The following ADGRL2 variants were observed in gnomAD, a reference collection of about 807,000 sequenced individuals.
ADGRL2 encodes the protein adhesion G protein-coupled receptor L2.
ADGRL2 carries 44 observed loss-of-function variants against 157.4 expected under a neutral mutation model. The ratio of observed to expected loss-of-function variants is 0.28; its 90% confidence interval spans 0.22 to 0.36. ADGRL2 has a LOEUF of 0.36. ADGRL2 is among the 10% of genes least tolerant of loss of function. The pLI is 1.00. For synonymous variants in ADGRL2, 585 were observed against 624.7 expected (o/e 0.94, Z 0.95); for missense variants, 1,510 against 1,768.9 (o/e 0.85, Z 2.63).
At chr1:81,530,689 T>C (rs2079575593) in intron 2 of ADGRL2, among the ~76,000 whole-genome samples, 1 of 152,098 alleles carries the variant, frequency 6.6e-6, no homozygotes, top group Admixed American at 6.6e-5. Context: ...TTCAGCCTTA[T>C]TACTCTGGGA....
At chr1:81,899,661 A>G (rs773804822) in intron 2 of ADGRL2, among the ~76,000 whole-genome samples, 21 of 152,146 alleles carry the variant, frequency 1.4e-4, no homozygotes, top group African/African-American at 4.8e-4. Context: ...TCTCTCTTCA[A>G]TTGTCAGGGT....
At chr1:81,566,803 G>GA (rs1439786264) in intron 2 of ADGRL2, among the ~76,000 whole-genome samples, 1 of 152,032 alleles carries the variant, frequency 6.6e-6, no homozygotes, top group Non-Finnish European at 1.5e-5. Flanking sequence ...ATATAAATAG[G>GA]AAAGTATTAT....
At chr1:81,963,747 A>G (rs1656202466) in intron 11 of ADGRL2, among the ~76,000 whole-genome samples, 1 of 151,436 alleles carries the variant, frequency 6.6e-6, no homozygotes. Flanking sequence ...TTTGTCCAGG[A>G]TATTATAAAA....
intron 2 of ADGRL2, among the ~76,000 whole-genome samples, chr1:81,779,968 A>G (rs1221327934): frequency 6.6e-6 from 1 of 152,170 alleles, no homozygotes; most frequent in Non-Finnish European, 1.5e-5. Context: ...AATCCCTAAC[A>G]CTAAGATATG....
At chr1:81,525,822 C>T (rs761691103) in intron 2 of ADGRL2, among the ~76,000 whole-genome samples, 1 of 151,576 alleles carries the variant, frequency 6.6e-6, no homozygotes, top group Non-Finnish European at 1.5e-5. Context: ...CTTAAATGTT[C>T]TACCTTTTGC....
Position 81,968,728 on chromosome 1 carries a change from A to T in ADGRL2, c.2524-450A>T, listed in dbSNP as rs149959298. On this transcript the variant is annotated intron_variant, in intron 14 of 23. Coordinates refer to ENST00000686636, the MANE Select transcript of ADGRL2 (RefSeq NM_001366006.2). ...TGTAGCATTTCCGTCTCAGATCCGT[A>T]GTATGTGTCAACTCTCAATATGTAA... 2.4e-3 allele frequency among the ~76,000 whole-genome samples: 368 copies of T among 152,334 alleles called. 2 individuals are homozygous for T. The highest frequency in any genetic ancestry group is 8.0e-3 in the African/African-American group (332 of 41,582).
chr1:81,943,221 G>T lies in ADGRL2; in HGVS notation c.662G>T (p.Gly221Val). ...GGTACTGGATTTGTGGTGTATGATG[G>T]TGCTGTCTTCTTTAACAAAGAAAGA... is the stretch of plus-strand genomic sequence containing the variant. ...VDGTGFVVYD[G>V]AVFFNKERTR... The change falls in exon 6 of 24, where the codon GGT becomes GTT. Residue 221 changes from glycine to valine, a missense_variant. Around this residue, in one of 4 missense-constraint regions of ADGRL2, gnomAD observed 361 missense variants for 498.4 expected, o/e 0.72. Coordinates refer to ENST00000686636, the MANE Select transcript of ADGRL2 (RefSeq NM_001366006.2). The surrounding 1 kb of genome is among the most constrained non-coding windows in gnomAD (Gnocchi z 5.6). 11 of 1,613,578 alleles carry T rather than the reference G, an allele frequency of 6.8e-6. No individual in the cohort carries two copies. The highest frequency in any genetic ancestry group is 9.3e-6 in the Non-Finnish European group (11 of 1,179,666).
chr1:81,488,300 A>G (rs921428023), intron 2 of ADGRL2, among the ~76,000 whole-genome samples: 2 of 152,180 alleles, frequency 1.3e-5, no homozygotes, highest in African/African-American at 4.8e-5. Context: ...GAGTGCCTAC[A>G]ACAATACAAA....
At chr1:81,522,295 TA>T (rs2079338949) in intron 2 of ADGRL2, among the ~76,000 whole-genome samples, 2 of 152,036 alleles carry the variant, frequency 1.3e-5, no homozygotes, top group South Asian at 4.1e-4. Context: ...ACTGATTTAA[TA>T]AAATCAGTGC....
At chr1:81,767,383 G>T (rs1291042579) in intron 2 of ADGRL2, among the ~76,000 whole-genome samples, 5 of 152,092 alleles carry the variant, frequency 3.3e-5, no homozygotes, top group Admixed American at 3.3e-4. Flanking sequence ...AACCTGGGAT[G>T]ATTTTGCTCC....
intron 3 of ADGRL2, chr1:81,588,586 A>G (rs368012718): frequency 6.6e-6 from 1 of 152,198 alleles, no homozygotes; most frequent in African/African-American, 2.4e-5. Context: ...GCAGGTCTAG[A>G]TGGATTGTCT....
At chr1:81,388,119 A>T (rs1345770980) in intron 1 of ADGRL2, among the ~76,000 whole-genome samples, 1 of 152,064 alleles carries the variant, frequency 6.6e-6, no homozygotes, top group African/African-American at 2.4e-5. Flanking sequence ...TTGTCTTTTA[A>T]TTCTTTAATT....
intron 2 of ADGRL2, among the ~76,000 whole-genome samples, chr1:81,489,689 A>T (rs1442746893): frequency 1.3e-5 from 2 of 152,218 alleles, no homozygotes; most frequent in African/African-American, 4.8e-5. Flanking sequence ...TGATTGAAAG[A>T]CAGAGAATCT....
chr1:81,565,581 GAAA>G (rs2080540366), intron 2 of ADGRL2, among the ~76,000 whole-genome samples: 1 of 152,172 alleles, frequency 6.6e-6, no homozygotes, highest in Non-Finnish European at 1.5e-5. Context: ...CTGCCGCATT[GAAA>G]ACTTCTGGCA....
chr1:81,943,504 A>C lies in ADGRL2; in HGVS notation c.945A>C (p.Ala315=). 9 of 1,613,832 alleles carry C rather than the reference A, an allele frequency of 5.6e-6. No individual in the cohort carries two copies. Among genetic ancestry groups the C allele is most frequent in the Non-Finnish European group, 7.6e-6 (9 of 1,179,804 alleles). Reference sequence around the variant, plus strand: ...AGACTGTATACGACAAACGTGCCGCATCAAATGCTTTTATGATATGCGGAG... The same window carrying C: ...AGACTGTATACGACAAACGTGCCGCCTCAAATGCTTTTATGATATGCGGAG... ...TWETVYDKRA[A]SNAFMICGVL... The change falls in exon 6 of 24, where the codon GCA becomes GCC. Residue 315 remains alanine (A), a synonymous_variant. Coordinates refer to ENST00000686636, the MANE Select transcript of ADGRL2 (RefSeq NM_001366006.2). This position sits in a 1 kb window ranked among gnomAD's most constrained non-coding sequence, Gnocchi z 5.6.
chr1:81,756,190 C>T (rs1424371178), intron 1 of ADGRL2, among the ~76,000 whole-genome samples: 2 of 152,172 alleles, frequency 1.3e-5, no homozygotes, highest in Non-Finnish European at 2.9e-5. Flanking sequence ...TACTTTCTAA[C>T]TCTCATCCAT....
At chr1:81,593,636 T>C (rs1490719171) in intron 3 of ADGRL2, among the ~76,000 whole-genome samples, 1 of 152,192 alleles carries the variant, frequency 6.6e-6, no homozygotes, top group Non-Finnish European at 1.5e-5. Flanking sequence ...CTCTTATTCC[T>C]ATGCTTTGAA....
intron 2 of ADGRL2, among the ~76,000 whole-genome samples, chr1:81,504,498 T>TA (rs991562223): frequency 3.3e-5 from 5 of 152,000 alleles, no homozygotes; most frequent in Non-Finnish European, 7.3e-5. Flanking sequence ...CTTTTTTTTT[T>TA]ATTTTAAAAT....
chr1:81,541,660 T>A (rs919566485), intron 2 of ADGRL2, among the ~76,000 whole-genome samples: 3 of 151,972 alleles, frequency 2.0e-5, no homozygotes, highest in African/African-American at 7.3e-5. Flanking sequence ...ATTAGAAATA[T>A]CTTTTCCGGC....
Sources: gnomAD v4.1 joint callset for allele counts (sites outside exome capture counted in the v4.1 genomes callset) on GRCh38, gnomAD v4.1.1 for gene constraint, gnomAD v4.1.1 regional missense constraint, Gnocchi (gnomAD v3.1) non-coding constraint, MANE v1.5 for transcripts, NCBI Gene and HGNC (gene_info 2026-07-23, HGNC 2026-07-21) for gene names.